CTDP1: variants seen among roughly 807,000 people sequenced by gnomAD.
CTDP1 encodes the protein RNA polymerase II subunit A C-terminal domain phosphatase.
CTDP1 carries 47 observed loss-of-function variants against 91.8 expected under a neutral mutation model. The ratio of observed to expected loss-of-function variants is 0.51; its 90% CI spans 0.41 to 0.65. CTDP1 has a LOEUF of 0.65. Ranked by LOEUF, CTDP1 falls within the 30% of genes least tolerant of loss-of-function variation. The pLI, the probability that CTDP1 is intolerant of heterozygous loss-of-function variation, is 0.00. For synonymous variants in CTDP1, 656 were observed against 598.5 expected, an observed-to-expected ratio of 1.10 and a Z score of -1.40; for missense variants, 1,272 against 1,373.7, an observed-to-expected ratio of 0.93 and a Z score of 1.17.
chr18:79,680,444 G>C (rs940123645), intron 1 of CTDP1, among the ~76,000 whole-genome samples, 183 bp downstream of exon 1: 14 of 152,248 alleles, frequency 9.2e-5, no homozygotes, highest in Non-Finnish European at 1.9e-4. Flanking sequence ...TTTTACCAAC[G>C]GGGAGCATTT....
At position 79,753,997 on chromosome 18, in the gene CTDP1, A is replaced by G; in HGVS notation, c.*207A>G. The G allele has an allele frequency of 2.8e-6, 2 of 705,834 alleles. No homozygotes were observed. The highest frequency in any genetic ancestry group is 3.7e-5 in the South Asian group (2 of 54,270). The allele number at this position is 705,834 out of a possible 1,614,324, so 43.7% of individuals were successfully genotyped here. On this transcript the variant is annotated 3_prime_UTR_variant, in exon 13 of 13. Coordinates refer to ENST00000613122, the MANE Select transcript of CTDP1 (RefSeq NM_004715.5). ...AGGAATGTCTACTTTTGTAAGTGACAGGTGTTAAAGGCCCAGGTGTGCTGT... is the reference window on the plus strand; with the variant it reads ...AGGAATGTCTACTTTTGTAAGTGACGGGTGTTAAAGGCCCAGGTGTGCTGT...
Position 79,693,841 on chromosome 18 carries a change from A to AC in CTDP1, c.315-1381dup, listed in dbSNP as rs1212143036. ...TCTCCCTGCAGGATGCTGGCTACAG[A>AC]CCCGCCCCTCCGAGTCTCCCTGAAG... is the stretch of plus-strand genomic sequence containing the variant. On this transcript the variant is annotated intron_variant, in intron 1 of 12. Transcript: ENST00000613122. Among the ~76,000 whole-genome samples the AC allele has an allele frequency of 1.4e-4, 20 of 142,054 alleles. No individual in the cohort carries two copies. In the East Asian group the frequency reaches 3.4e-3, roughly 24 times the overall value. 93.2% of individuals were successfully genotyped at this position (142,054 alleles called of 152,430 possible). A position where few individuals can be genotyped will look rare whatever the true frequency, so the allele number is the denominator to read the frequency against.
chr18:79,753,670 G>A lies in CTDP1; in HGVS notation c.2766G>A (p.Leu922=). The A allele has an allele frequency of 6.2e-7, 1 of 1,614,190 alleles. No individual in the cohort carries two copies. Residue 922 remains leucine, a synonymous_variant, in exon 13 of 13, where the codon CTG becomes CTA. Coordinates refer to ENST00000613122, the MANE Select transcript of CTDP1 (RefSeq NM_004715.5). The part of the protein sequence containing the change: ...GRGPRGHKRK[L]NEEDAASESS... ...TCTGCAGAGGCCACAAGAGGAAGCT[G>A]AATGAAGAGGACGCCGCCAGCGAGT...
At chr18:79,696,180 T>C in intron 3 of CTDP1, 110 bp downstream of exon 3, 9 of 894,014 alleles carry the variant, frequency 1.0e-5, no homozygotes, top group Admixed American at 2.0e-5. Flanking sequence ...TCATCGTCGT[T>C]ACTGAAACAA....
intron 5 of CTDP1, among the ~76,000 whole-genome samples, chr18:79,709,107 G>T (rs2086027644): frequency 6.6e-6 from 1 of 152,136 alleles, no homozygotes; most frequent in Admixed American, 6.5e-5. Flanking sequence ...TGTTTTAAAT[G>T]GCTGGTGAAA....
intron 12 of CTDP1, among the ~76,000 whole-genome samples, chr18:79,738,434 T>C (rs2122800365): frequency 6.6e-6 from 1 of 152,274 alleles, no homozygotes; most frequent in South Asian, 2.1e-4. Context: ...TGCATCCTGG[T>C]TTCCTCACCT....
intron 10 of CTDP1, among the ~76,000 whole-genome samples, chr18:79,721,022 G>A (rs1329254307): frequency 6.6e-6 from 1 of 152,202 alleles, no homozygotes; most frequent in Non-Finnish European, 1.5e-5. Context: ...CCTGGGGCAG[G>A]GTCCAGAAGG....
chr18:79,750,601 C>G (rs2086976720), intron 12 of CTDP1, among the ~76,000 whole-genome samples: 2 of 150,942 alleles, frequency 1.3e-5, no homozygotes, highest in South Asian at 4.2e-4. Flanking sequence ...TCAAACAATT[C>G]TCGTGCCCCG....
At chr18:79,749,626 C>A (rs2086955246) in intron 12 of CTDP1, among the ~76,000 whole-genome samples, 1 of 152,116 alleles carries the variant, frequency 6.6e-6, no homozygotes, top group African/African-American at 2.4e-5. Flanking sequence ...GAGGTCAGCG[C>A]CATGCACTGC....
At chr18:79,722,127 T>C (rs1369747481) in intron 10 of CTDP1, among the ~76,000 whole-genome samples, 2 of 152,260 alleles carry the variant, frequency 1.3e-5, no homozygotes, top group Non-Finnish European at 2.9e-5. Flanking sequence ...TCAGCCTTGC[T>C]TGAAGTGAGC....
chr18:79,695,841 G>A lies in CTDP1; in HGVS notation c.399-136G>A, dbSNP rs557549059. 593 of 764,886 alleles carry A rather than the reference G, an allele frequency of 7.8e-4. 4 individuals carry two copies. In the Admixed American group the frequency reaches 0.01, roughly 14 times the overall value. The allele number at this position is 764,886 out of a possible 1,614,324, so 47.4% of individuals were successfully genotyped here. On this transcript the variant is annotated intron_variant, in intron 2 of 12. Coordinates refer to ENST00000613122, the MANE Select transcript of CTDP1 (RefSeq NM_004715.5). ...TGTGGAGAATGTTTCCACGTTTGCC[G>A]ACAGAATCAAGTCTGTGCTAAGATA...
Position 79,753,982 on chromosome 18 carries a change from AC to A in CTDP1, c.*193del. On this transcript the variant is annotated 3_prime_UTR_variant, in exon 13 of 13. Transcript: ENST00000613122. ...AAGAAGTTTTACTACAGGAATGTCT[AC>A]TTTTGTAAGTGACAGGTGTTAAAGG... 1 of 792,388 alleles carries A rather than the reference AC, an allele frequency of 1.3e-6. No individual in the cohort carries two copies. The highest frequency in any genetic ancestry group is 3.9e-4 in the Middle Eastern group (1 of 2,586). The allele number at this position is 792,388 out of a possible 1,614,324, so 49.1% of individuals were successfully genotyped here.
chr18:79,695,672 C>T lies in CTDP1; in HGVS notation c.399-305C>T, dbSNP rs570321115. Among the ~76,000 whole-genome samples, 12 of 152,292 alleles carry T rather than the reference C, an allele frequency of 7.9e-5. No homozygotes were observed. In the East Asian group the frequency reaches 1.7e-3, roughly 22 times the overall value. On this transcript the variant is annotated intron_variant, in intron 2 of 12. Coordinates refer to ENST00000613122, the MANE Select transcript of CTDP1 (RefSeq NM_004715.5). ...TACCTCTAATGCCAAGTGGGAGGTG[C>T]GGCAGCTACTTTTTCTGCGTTTTCA...
At chr18:79,678,287 C>G (rs1599167027), upstream of CTDP1, 1 of 152,252 alleles carries the variant, frequency 6.6e-6, no homozygotes, top group Non-Finnish European at 1.5e-5. Flanking sequence ...TAAACTGCTA[C>G]TGGTGGCAAC....
chr18:79,679,993 A>ACGG lies in CTDP1; in HGVS notation c.51_53dup (p.Ala18dup). ...TCGCGTTCCTGCCGAGGGCGCCCCG[A>ACGG]CGGCGGCTGTGGCCGAGGTGCGCTG... is the stretch of plus-strand genomic sequence containing the variant. On this transcript the variant is annotated inframe_insertion, in exon 1 of 13. Coordinates refer to ENST00000613122, the MANE Select transcript of CTDP1 (RefSeq NM_004715.5). The ACGG allele has an allele frequency of 7.5e-7, 1 of 1,336,128 alleles. No individual in the cohort carries two copies. Among genetic ancestry groups the ACGG allele is most frequent in the East Asian group, 3.3e-5 (1 of 30,120 alleles). The allele number at this position is 1,336,128 out of a possible 1,614,324, so 82.8% of individuals were successfully genotyped here. A position where few individuals can be genotyped will look rare whatever the true frequency, so the allele number is the denominator to read the frequency against.
downstream of CTDP1, chr18:79,754,692 G>A (rs1178173303): frequency 3.3e-5 from 5 of 152,238 alleles, no homozygotes; most frequent in Admixed American, 1.3e-4. Context: ...TAAGAACCAG[G>A]CTTGTAGCTG....
chr18:79,697,749 G>A (rs1385586673), intron 3 of CTDP1, 111 bp from the exon 4 acceptor site: 6 of 1,511,348 alleles, frequency 4.0e-6, no homozygotes, highest in African/African-American at 1.4e-5. Context: ...TGGAGCGTGG[G>A]GGGCTGGAGG....
chr18:79,688,602 G>T (rs765943834), intron 1 of CTDP1, among the ~76,000 whole-genome samples: 1 of 152,152 alleles, frequency 6.6e-6, no homozygotes, highest in Non-Finnish European at 1.5e-5. Context: ...GTTTTACCAT[G>T]TTGGCCAGGC....
In CTDP1 at chr18:79,753,801, C is replaced by G. The variant is rs376597291; in HGVS notation, c.*11C>G. On this transcript the variant is annotated 3_prime_UTR_variant, in exon 13 of 13. Transcript: ENST00000613122. ...AACGACCTCATGTGAGCGCGGGCAG[C>G]GGGCAGGGACTGAAGCCTGACCGAC... 1.2e-6 allele frequency: 2 copies of G among 1,611,778 alleles called. No homozygotes were observed. The highest frequency in any genetic ancestry group is 2.2e-5 in the East Asian group (1 of 44,838).
Sources: gnomAD v4.1 joint callset for allele counts (sites outside exome capture counted in the v4.1 genomes callset) on GRCh38, gnomAD v4.1.1 for gene constraint, MANE v1.5 for transcripts, NCBI Gene and HGNC (gene_info 2026-07-23, HGNC 2026-07-21) for gene names.